The following PDE8B variants were observed in gnomAD, a reference collection of about 807,000 sequenced individuals.
PDE8B encodes the protein phosphodiesterase 8B.
PDE8B carries 26 observed loss-of-function variants against 101.3 expected under a neutral mutation model. The ratio of observed to expected loss-of-function variants is 0.26; its 90% CI spans 0.19 to 0.36. The LOEUF is 0.36. Ranked by LOEUF, PDE8B falls within the 10% of genes least tolerant of loss-of-function variation. The probability of loss-of-function intolerance (pLI) is 1.00; values close to 1 mark genes in which losing one functional copy is unlikely to be tolerated. For synonymous variants in PDE8B, 424 were observed against 429.3 expected (o/e 0.99, Z 0.15); for missense variants, 810 against 1,163.1 (o/e 0.70, Z 4.42).
chr5:77,353,451 C>T (rs746963810), intron 10 of PDE8B, 45 bp downstream of exon 10: 23 of 1,068,332 alleles, frequency 2.2e-5, no homozygotes, highest in South Asian at 3.7e-5. Flanking sequence ...TTTGGCCATG[C>T]GTCACCTCTG....
chr5:77,216,890 C>T (rs547456880), intron 1 of PDE8B, among the ~76,000 whole-genome samples: 2 of 152,286 alleles, frequency 1.3e-5, no homozygotes, highest in East Asian at 3.9e-4. Flanking sequence ...GAAAAATATC[C>T]TGAGCATATC....
At chr5:77,400,182 A>G (rs1239463432) in intron 10 of PDE8B, 66 bp from the exon 11 acceptor site, 2 of 1,078,152 alleles carry the variant, frequency 1.9e-6, no homozygotes, top group African/African-American at 3.1e-5. Context: ...TTGTTTGATG[A>G]GAAATATAGC....
intron 14 of PDE8B, 41 bp downstream of exon 14, chr5:77,409,098 C>T (rs145500264): frequency 2.4e-5 from 38 of 1,570,392 alleles, no homozygotes; most frequent in Admixed American, 6.7e-5. Flanking sequence ...GAGAGGTATC[C>T]GGGGCCTCTA....
chr5:77,195,316 C>T, the PDE8B span, among the ~76,000 whole-genome samples: 32 of 152,324 alleles, frequency 2.1e-4, no homozygotes, highest in Admixed American at 3.3e-4. Flanking sequence ...TTAGGCCCCC[C>T]GCCAATACAG....
chr5:77,206,095 A>G (rs111553378), upstream of PDE8B, among the ~76,000 whole-genome samples: 1,415 of 152,276 alleles, frequency 9.3e-3, 21 homozygotes, highest in African/African-American at 0.032. Flanking sequence ...AAATAAAATA[A>G]CCCCTTCCAT....
chr5:77,106,370 T>C, the PDE8B span: 279 of 152,320 alleles, frequency 1.8e-3, no homozygotes, highest in African/African-American at 6.3e-3. Flanking sequence ...CCAATACTTA[T>C]ATCTTTTGCA....
At chr5:77,249,271 C>A (rs1263544424) in intron 1 of PDE8B, among the ~76,000 whole-genome samples, 5 of 152,186 alleles carry the variant, frequency 3.3e-5, no homozygotes, top group South Asian at 2.1e-4. Flanking sequence ...TAACTATTTT[C>A]TGTTTACAAA....
intron 2 of PDE8B, among the ~76,000 whole-genome samples, chr5:77,319,892 G>A (rs1774645718): frequency 1.3e-5 from 2 of 152,154 alleles, no homozygotes; most frequent in Admixed American, 6.5e-5. Flanking sequence ...GAAGAAGGTG[G>A]CAAGCACTGT....
chr5:77,277,354 A>G (rs1267531013), intron 1 of PDE8B, among the ~76,000 whole-genome samples: 1 of 152,230 alleles, frequency 6.6e-6, no homozygotes, highest in Non-Finnish European at 1.5e-5. Context: ...TCAGAATGCA[A>G]AAATTCAAAT....
At chr5:77,167,033 T>C in the PDE8B span, 46,810 of 152,062 alleles carry the variant, frequency 0.31, 8,301 homozygotes, top group Non-Finnish European at 0.39. Context: ...CAAAGTAGGG[T>C]TGACAAATAT....
chr5:77,308,327 C>T (rs948193146), intron 1 of PDE8B, among the ~76,000 whole-genome samples: 3 of 152,154 alleles, frequency 2.0e-5, no homozygotes, highest in Admixed American at 6.5e-5. Context: ...AGCTGGTAAA[C>T]TGAGGCACCC....
the PDE8B span, among the ~76,000 whole-genome samples, chr5:77,137,655 G>T: frequency 6.6e-6 from 1 of 152,114 alleles, no homozygotes; most frequent in Non-Finnish European, 1.5e-5. Context: ...TGCAGAAAAA[G>T]GCTCCCTACG....
At chr5:77,339,001 C>A (rs1778692250) in intron 6 of PDE8B, among the ~76,000 whole-genome samples, 1 of 152,116 alleles carries the variant, frequency 6.6e-6, no homozygotes, top group South Asian at 2.1e-4. Flanking sequence ...GTTAGGGGCA[C>A]CTTGTCCATG....
At chr5:77,387,480 C>T (rs1788964328) in intron 10 of PDE8B, among the ~76,000 whole-genome samples, 2 of 152,226 alleles carry the variant, frequency 1.3e-5, no homozygotes, top group African/African-American at 4.8e-5. Flanking sequence ...CGACCTTTCT[C>T]ACTGGCTGCC....
the PDE8B span, among the ~76,000 whole-genome samples, chr5:77,168,489 C>G: frequency 1.3e-5 from 2 of 152,286 alleles, no homozygotes; most frequent in Admixed American, 6.5e-5. Context: ...CACTTGTGCC[C>G]TGGTGGGACC....
At chr5:77,129,017 A>G in the PDE8B span, among the ~76,000 whole-genome samples, 1 of 152,340 alleles carries the variant, frequency 6.6e-6, no homozygotes, top group East Asian at 1.9e-4. Context: ...CCTAGGTTTG[A>G]ACATAGTTTT....
intron 1 of PDE8B, among the ~76,000 whole-genome samples, chr5:77,285,499 G>A (rs1379302344): frequency 6.6e-6 from 1 of 152,152 alleles, no homozygotes; most frequent in Non-Finnish European, 1.5e-5. Flanking sequence ...TTGTCCCACT[G>A]TGTGTATTGT....
At chr5:77,212,065 T>G (rs1748555062) in intron 1 of PDE8B, among the ~76,000 whole-genome samples, 1 of 152,188 alleles carries the variant, frequency 6.6e-6, no homozygotes, top group African/African-American at 2.4e-5. Flanking sequence ...CGCTAAATAT[T>G]TATTTCTTAA....
At chr5:77,259,064 ACACACCCCCGCCCCCCCCC>A (rs1177965479) in intron 1 of PDE8B, among the ~76,000 whole-genome samples, 1 of 82,766 alleles carries the variant, frequency 1.2e-5, no homozygotes, top group Non-Finnish European at 2.5e-5. Context: ...ACACACACAC[ACACACCCCCGCCCCCCCCC>A]CACACACACA....
Sources: gnomAD v4.1 joint callset for allele counts (sites outside exome capture counted in the v4.1 genomes callset) on GRCh38, gnomAD v4.1.1 for gene constraint, MANE v1.5 for transcripts, NCBI Gene and HGNC (gene_info 2026-07-23, HGNC 2026-07-21) for gene names.